Variants in PABPC4L observed in about 807,000 individuals in gnomAD.
The protein encoded by PABPC4L is poly(A) binding protein cytoplasmic 4 like.
For missense variants in PABPC4L, 452 were observed against 451.4 expected, an observed-to-expected ratio of 1.00 and a Z score of -0.01; for synonymous variants, 169 against 164.1, an observed-to-expected ratio of 1.03 and a Z score of -0.23.
At chr4:134,099,857 C>T in the PABPC4L span, among the ~76,000 whole-genome samples, 2 of 151,622 alleles carry the variant, frequency 1.3e-5, no homozygotes, top group Non-Finnish European at 3.0e-5. Context: ...GAATAGAAAC[C>T]GGCAGCAATT....
the PABPC4L span, among the ~76,000 whole-genome samples, chr4:134,164,262 CAAAAAAAA>C: frequency 1.5e-4 from 5 of 34,150 alleles, no homozygotes; most frequent in Admixed American, 9.7e-4. Flanking sequence ...GACTCCGTCT[CAAAAAAAA>C]AAAAAAAAAA....
chr4:134,144,157 A>G, the PABPC4L span, among the ~76,000 whole-genome samples: 16 of 151,678 alleles, frequency 1.1e-4, no homozygotes, highest in African/African-American at 3.6e-4. Flanking sequence ...TAAGATCACT[A>G]TGAAATTCTC....
At chr4:134,108,633 G>A in the PABPC4L span, among the ~76,000 whole-genome samples, 1 of 151,716 alleles carries the variant, frequency 6.6e-6, no homozygotes, top group Non-Finnish European at 1.5e-5. Flanking sequence ...ATTTTTACAG[G>A]TTATGATCTT....
the PABPC4L span, among the ~76,000 whole-genome samples, chr4:134,021,562 C>G: frequency 6.6e-6 from 1 of 152,202 alleles, no homozygotes; most frequent in African/African-American, 2.4e-5. Flanking sequence ...AAGCTGTTAT[C>G]CTAAAAAATG....
the PABPC4L span, among the ~76,000 whole-genome samples, chr4:133,950,190 CA>C: frequency 2.0e-5 from 3 of 152,016 alleles, no homozygotes; most frequent in Non-Finnish European, 4.4e-5. Context: ...TTCACCAAGC[CA>C]AATCTGGGTA....
the PABPC4L span, among the ~76,000 whole-genome samples, chr4:134,025,620 G>A: frequency 5.8e-3 from 878 of 152,034 alleles, 10 homozygotes; most frequent in Middle Eastern, 0.034. Flanking sequence ...TTTTCTTAAG[G>A]AAAGTATTAA....
chr4:133,998,968 G>C, the PABPC4L span, among the ~76,000 whole-genome samples: 2 of 151,754 alleles, frequency 1.3e-5, no homozygotes, highest in Admixed American at 6.6e-5. Context: ...CTGATCAATA[G>C]ACCCTCATTT....
At chr4:134,028,257 C>A in the PABPC4L span, among the ~76,000 whole-genome samples, 49 of 152,064 alleles carry the variant, frequency 3.2e-4, 1 homozygote, top group Admixed American at 2.6e-4. Flanking sequence ...AATCTTTACA[C>A]TTTTGGTTGA....
At chr4:134,164,257 C>T in the PABPC4L span, among the ~76,000 whole-genome samples, 38 of 90,122 alleles carry the variant, frequency 4.2e-4, no homozygotes, top group Middle Eastern at 0.045. Context: ...AGCGAGACTC[C>T]GTCTCAAAAA....
the PABPC4L span, among the ~76,000 whole-genome samples, chr4:133,968,275 T>A: frequency 6.6e-6 from 1 of 152,156 alleles, no homozygotes; most frequent in African/African-American, 2.4e-5. Context: ...GGCTAGAGAT[T>A]AGGAGGTCTT....
chr4:134,190,660 T>C, the PABPC4L span, among the ~76,000 whole-genome samples: 1 of 152,112 alleles, frequency 6.6e-6, no homozygotes, highest in Non-Finnish European at 1.5e-5. Flanking sequence ...TATATACATA[T>C]GAATATCTGG....
chr4:134,096,979 G>T, the PABPC4L span, among the ~76,000 whole-genome samples: 2 of 151,948 alleles, frequency 1.3e-5, no homozygotes, highest in Non-Finnish European at 2.9e-5. Flanking sequence ...ATCCATGGAT[G>T]CTTAAAACAT....
chr4:134,100,170 T>A, the PABPC4L span, among the ~76,000 whole-genome samples: 1 of 151,662 alleles, frequency 6.6e-6, no homozygotes. Flanking sequence ...TTTAATAATG[T>A]GGCTTGAACT....
the PABPC4L span, among the ~76,000 whole-genome samples, chr4:134,013,906 C>T: frequency 5.9e-5 from 9 of 152,086 alleles, no homozygotes; most frequent in Admixed American, 2.0e-4. Context: ...CTCCCCTCCT[C>T]ACACCCAGTC....
chr4:133,984,751 C>G, the PABPC4L span, among the ~76,000 whole-genome samples: 1 of 151,826 alleles, frequency 6.6e-6, no homozygotes, highest in South Asian at 2.1e-4. Flanking sequence ...GCCCTGATTT[C>G]TTTTTACACC....
the PABPC4L span, among the ~76,000 whole-genome samples, chr4:133,950,737 G>A: frequency 6.6e-6 from 1 of 152,156 alleles, no homozygotes; most frequent in East Asian, 1.9e-4. Context: ...CTCCAGGGAA[G>A]CTTGCTTAGC....
At chr4:133,957,931 C>G in the PABPC4L span, among the ~76,000 whole-genome samples, 1 of 152,156 alleles carries the variant, frequency 6.6e-6, no homozygotes, top group African/African-American at 2.4e-5. Context: ...CTGTGCCCAG[C>G]CTAGGAAACC....
the PABPC4L span, among the ~76,000 whole-genome samples, chr4:134,096,513 C>T: frequency 7.9e-5 from 12 of 151,976 alleles, no homozygotes; most frequent in East Asian, 1.9e-3. Flanking sequence ...TTGTATACCT[C>T]ATGTAATTTT....
At chr4:134,020,538 G>A in the PABPC4L span, among the ~76,000 whole-genome samples, 1,427 of 152,074 alleles carry the variant, frequency 9.4e-3, 15 homozygotes, top group Non-Finnish European at 0.014. Flanking sequence ...CCAACTTTCT[G>A]GGGAGGGAAA....
Sources: gnomAD v4.1 joint callset for allele counts (sites outside exome capture counted in the v4.1 genomes callset) on GRCh38, gnomAD v4.1.1 for gene constraint, MANE v1.5 for transcripts, NCBI Gene and HGNC (gene_info 2026-07-23, HGNC 2026-07-21) for gene names.